Variants in SLCO3A1 observed in about 807,000 individuals in gnomAD.
The protein encoded by SLCO3A1 is solute carrier organic anion transporter family member 3A1.
SLCO3A1 carries 27 observed loss-of-function variants against 63.1 expected under a neutral mutation model. The ratio of observed to expected loss-of-function variants is 0.43; its 90% CI spans 0.32 to 0.59. SLCO3A1 has a LOEUF of 0.59. Ranked by LOEUF, SLCO3A1 falls within the 20% of genes least tolerant of loss-of-function variation. The pLI, the probability that SLCO3A1 is intolerant of heterozygous loss-of-function variation, is 0.09. For missense variants in SLCO3A1, 773 were observed against 945.8 expected (o/e 0.82, Z 2.40); for synonymous variants, 473 against 409.9 (o/e 1.15, Z -1.86).
chr15:92,046,472 T>C (rs892970250), intron 2 of SLCO3A1, among the ~76,000 whole-genome samples: 3 of 152,002 alleles, frequency 2.0e-5, no homozygotes, highest in African/African-American at 4.8e-5. Context: ...GGAGGTTGCA[T>C]TGAGCCAAGA....
chr15:91,939,318 TG>T (rs1899532327), intron 2 of SLCO3A1, among the ~76,000 whole-genome samples: 1 of 152,104 alleles, frequency 6.6e-6, no homozygotes. Flanking sequence ...AGGATGGTGC[TG>T]AACCATTCAT....
At chr15:92,052,388 A>T (rs531447158) in intron 2 of SLCO3A1, among the ~76,000 whole-genome samples, 29 of 152,166 alleles carry the variant, frequency 1.9e-4, no homozygotes, top group Non-Finnish European at 4.1e-4. Flanking sequence ...ATGAATGTTC[A>T]TTATTATGAC....
intron 1 of SLCO3A1, among the ~76,000 whole-genome samples, chr15:91,887,665 GC>G (rs1249105894): frequency 1.3e-5 from 2 of 152,190 alleles, no homozygotes; most frequent in Non-Finnish European, 2.9e-5. Context: ...AACTTCTGAG[GC>G]CTGCTGTTCT....
intron 4 of SLCO3A1, among the ~76,000 whole-genome samples, chr15:92,113,300 G>A (rs1478751568): frequency 1.3e-5 from 2 of 152,030 alleles, no homozygotes; most frequent in African/African-American, 4.8e-5. Context: ...CTTTAAACTG[G>A]CTAATGGGCA....
chr15:92,020,764 T>C (rs73534387), intron 2 of SLCO3A1, among the ~76,000 whole-genome samples: 1,794 of 152,318 alleles, frequency 0.012, 38 homozygotes, highest in African/African-American at 0.041. Flanking sequence ...TTCCATAGCT[T>C]ATCCATGTGG....
chr15:92,166,785 T>G (rs1393525375), downstream of SLCO3A1, among the ~76,000 whole-genome samples: 1 of 152,188 alleles, frequency 6.6e-6, no homozygotes, highest in African/African-American at 2.4e-5. Context: ...TGTACTAAAA[T>G]AGAAAAACCT....
intron 1 of SLCO3A1, among the ~76,000 whole-genome samples, chr15:91,913,638 A>G (rs1240873703): frequency 6.6e-6 from 1 of 152,208 alleles, no homozygotes; most frequent in Non-Finnish European, 1.5e-5. Context: ...GAATAGAAGC[A>G]TGCTAATTAG....
chr15:91,994,889 G>A (rs773217717), intron 2 of SLCO3A1, among the ~76,000 whole-genome samples: 8 of 152,190 alleles, frequency 5.3e-5, no homozygotes, highest in Non-Finnish European at 2.9e-5. Context: ...TGCTGCTGCT[G>A]TCGGAGCCTA....
chr15:91,941,453 T>G lies in SLCO3A1; in HGVS notation c.646+24995T>G. ...CTCGTTGAGGTGGTGGCCTGGTTCCTTTGGCCTTAGGGAAGGACAAACTTC... is the reference window on the plus strand; with the variant it reads ...CTCGTTGAGGTGGTGGCCTGGTTCCGTTGGCCTTAGGGAAGGACAAACTTC... On this transcript the variant is annotated intron_variant, in intron 2 of 9. Coordinates refer to ENST00000318445, the MANE Select transcript of SLCO3A1 (RefSeq NM_013272.4). This position sits in a 1 kb window ranked among gnomAD's most constrained non-coding sequence, Gnocchi z 4.4. 2.3e-6 allele frequency: 1 copy of G among 444,414 alleles called. No individual in the cohort carries two copies. Among genetic ancestry groups the G allele is most frequent in the East Asian group, 7.0e-5 (1 of 14,276 alleles). 27.5% of individuals were successfully genotyped at this position (444,414 alleles called of 1,614,324 possible). A position where few individuals can be genotyped will look rare whatever the true frequency, so the allele number is the denominator to read the frequency against.
intron 2 of SLCO3A1, among the ~76,000 whole-genome samples, chr15:91,994,576 A>T (rs1162161260): frequency 6.6e-6 from 1 of 150,666 alleles, no homozygotes; most frequent in Admixed American, 6.6e-5. Flanking sequence ...AAATCAGGTG[A>T]TTGATGAAGT....
intron 1 of SLCO3A1, among the ~76,000 whole-genome samples, chr15:91,890,504 A>T (rs982499436): frequency 6.6e-6 from 1 of 152,126 alleles, no homozygotes; most frequent in African/African-American, 2.4e-5. Flanking sequence ...TCTATCCCCT[A>T]TGCCTGGCAT....
chr15:91,930,872 G>A (rs1899201296), intron 2 of SLCO3A1, among the ~76,000 whole-genome samples: 1 of 152,142 alleles, frequency 6.6e-6, no homozygotes, highest in Non-Finnish European at 1.5e-5. Context: ...TTGAGTAAAG[G>A]GACACCTTGG....
chr15:91,924,774 A>G (rs969286067), intron 2 of SLCO3A1, among the ~76,000 whole-genome samples: 3 of 152,202 alleles, frequency 2.0e-5, no homozygotes, highest in African/African-American at 4.8e-5. Flanking sequence ...TTGGAAAGAA[A>G]TGAAACCATT....
chr15:91,868,354 CTTTTTTT>C (rs72068160), intron 1 of SLCO3A1, among the ~76,000 whole-genome samples: 1 of 104,888 alleles, frequency 9.5e-6, no homozygotes, highest in African/African-American at 3.6e-5. Flanking sequence ...ACCCAGCCGG[CTTTTTTT>C]TTTTTTTTTT....
chr15:92,003,119 C>T lies in SLCO3A1; in HGVS notation c.646+86661C>T, dbSNP rs1214401452. On this transcript the variant is annotated intron_variant, in intron 2 of 9. Transcript: ENST00000318445. ...AGGAAATTCATCTTATGTATCTTTA[C>T]GTGCCCAAGTCCCCCAGCTCTGCTC... 6.6e-5 allele frequency among the ~76,000 whole-genome samples: 10 copies of T among 152,178 alleles called. No homozygotes were observed. The South Asian group carries it at 8.3e-4, about 13-fold the overall frequency.
chr15:92,049,926 A>T (rs1370019225), intron 2 of SLCO3A1, among the ~76,000 whole-genome samples: 1 of 152,186 alleles, frequency 6.6e-6, no homozygotes, highest in Non-Finnish European at 1.5e-5. Flanking sequence ...GAGCTTTTTA[A>T]TCACAGAAGA....
intron 2 of SLCO3A1, among the ~76,000 whole-genome samples, chr15:92,041,610 T>C (rs1203241478): frequency 6.6e-6 from 1 of 152,202 alleles, no homozygotes; most frequent in African/African-American, 2.4e-5. Context: ...CAGGTTTCAC[T>C]GAATATATGT....
Position 91,897,869 on chromosome 15 carries a change from G to A in SLCO3A1, c.181-18124G>A, listed in dbSNP as rs900998900. 2.0e-5 allele frequency among the ~76,000 whole-genome samples: 3 copies of A among 152,186 alleles called. No individual in the cohort carries two copies. The highest frequency in any genetic ancestry group is 7.2e-5 in the African/African-American group (3 of 41,446). On this transcript the variant is annotated intron_variant, in intron 1 of 9. Coordinates refer to ENST00000318445, the MANE Select transcript of SLCO3A1 (RefSeq NM_013272.4). The surrounding 1 kb of genome is among the most constrained non-coding windows in gnomAD (Gnocchi z 4.7). ...ATGAGGATGGGTGCGGGAGGCGAAA[G>A]GCAGCTGAAACTGCAGGGCAGAGCC...
intron 2 of SLCO3A1, among the ~76,000 whole-genome samples, chr15:92,061,838 T>A (rs894766719): frequency 6.6e-6 from 1 of 152,194 alleles, no homozygotes; most frequent in Admixed American, 6.5e-5. Flanking sequence ...CACATGTACA[T>A]CCTTACACAA....
Sources: gnomAD v4.1 joint callset for allele counts (sites outside exome capture counted in the v4.1 genomes callset) on GRCh38, gnomAD v4.1.1 for gene constraint, Gnocchi (gnomAD v3.1) non-coding constraint, MANE v1.5 for transcripts, NCBI Gene and HGNC (gene_info 2026-07-23, HGNC 2026-07-21) for gene names.